The following MYO9A variants were observed in gnomAD, a reference collection of about 807,000 sequenced individuals.
The protein encoded by MYO9A is myosin IXA, also known as unconventional myosin-IXa.
A neutral mutation model predicts 293.3 loss-of-function variants in MYO9A; 103 were observed. The ratio of observed to expected loss-of-function variants is 0.35; its 90% CI spans 0.30 to 0.41. The LOEUF is 0.41. MYO9A is among the 10% of genes least tolerant of loss of function. MYO9A has a pLI of 1.00. For missense variants in MYO9A, 2,685 were observed against 3,033.0 expected (o/e 0.89, Z 2.69); for synonymous variants, 1,001 against 1,035.7 (o/e 0.97, Z 0.64).
In MYO9A at chr15:71,827,758, C is replaced by T. The variant is rs2054566494; in HGVS notation, c.7183+126G>A. 1.2e-5 allele frequency: 13 copies of T among 1,103,034 alleles called. No homozygotes were observed. The South Asian group carries it at 1.9e-4, about 16-fold the overall frequency. 68.3% of individuals were successfully genotyped at this position (1,103,034 alleles called of 1,614,324 possible). On this transcript the variant is annotated intron_variant, in intron 41 of 41. Transcript: ENST00000356056. ...ATTATATGGATAAAAGGACAAAATT[C>T]CTCAAGACTTTGTTATTGCTGATGT...
intron 1 of MYO9A, among the ~76,000 whole-genome samples, chr15:72,078,436 G>T (rs1196621124): frequency 6.6e-6 from 1 of 152,126 alleles, no homozygotes; most frequent in African/African-American, 2.4e-5. Context: ...AGGCTAGAGT[G>T]AGCCCAGATC....
chr15:71,897,737 C>T lies in MYO9A; in HGVS notation c.4766G>A (p.Ser1589Asn). 1.9e-6 allele frequency: 3 copies of T among 1,614,054 alleles called. No homozygotes were observed. Among genetic ancestry groups the T allele is most frequent in the Non-Finnish European group, 2.5e-6 (3 of 1,180,016 alleles). Reference sequence around the variant, plus strand: ...CTTTGGGGGTAAGTGAGCAGAGGAACTGTCTTTTTGGGCAAGAGCTGCATC... The same window carrying T: ...CTTTGGGGGTAAGTGAGCAGAGGAATTGTCTTTTTGGGCAAGAGCTGCATC... ...LKDAALAQKD[S>N]SSAHLPPKDR... Residue 1589 changes from serine to asparagine, a missense_variant, in exon 25 of 42, where the codon AGT (serine) becomes AAT (asparagine). Ser to Asn is a conservative substitution (Grantham distance 46). Transcript: ENST00000356056.
At position 71,826,188 on chromosome 15, in the gene MYO9A, A is replaced by T; in HGVS notation, c.*392T>A. 1.2e-5 allele frequency: 2 copies of T among 164,558 alleles called. No individual in the cohort carries two copies. The highest frequency in any genetic ancestry group is 2.6e-5 in the Non-Finnish European group (2 of 76,678). The allele number at this position is 164,558 out of a possible 1,614,324, so 10.2% of individuals were successfully genotyped here. On this transcript the variant is annotated 3_prime_UTR_variant, in exon 42 of 42. Transcript: ENST00000356056. ...AAGGCTTTTGCTTTCACGGTTAAGA[A>T]AGATTTATACGTTTTCTTCAAATGT... is the stretch of plus-strand genomic sequence containing the variant.
chr15:72,101,133 G>A (rs1486924095), intron 1 of MYO9A, among the ~76,000 whole-genome samples: 48 of 138,746 alleles, frequency 3.5e-4, no homozygotes, highest in Non-Finnish European at 6.3e-5. Context: ...TCAGCCTCCC[G>A]CCCGGCCAGC....
intron 39 of MYO9A, among the ~76,000 whole-genome samples, chr15:71,833,955 C>CT (rs2054834557): frequency 6.6e-6 from 1 of 151,914 alleles, no homozygotes; most frequent in South Asian, 2.1e-4. Flanking sequence ...ATGTAAGACT[C>CT]TATTTCAGGA....
intron 31 of MYO9A, among the ~76,000 whole-genome samples, chr15:71,877,678 G>A (rs953129473): frequency 2.0e-5 from 3 of 151,968 alleles, no homozygotes; most frequent in Admixed American, 1.3e-4. Flanking sequence ...GGCTGGTCTC[G>A]AACTCCTGAT....
At chr15:71,940,861 C>T (rs2058755314) in intron 15 of MYO9A, among the ~76,000 whole-genome samples, 1 of 152,066 alleles carries the variant, frequency 6.6e-6, no homozygotes, top group Non-Finnish European at 1.5e-5. Context: ...TTCAAGGCTA[C>T]AGTGAGTTAT....
chr15:71,935,096 T>C, intron 17 of MYO9A: 1 of 369,392 alleles, frequency 2.7e-6, no homozygotes, highest in Non-Finnish European at 4.9e-6. Flanking sequence ...CCATAACAAA[T>C]ATACTCAGTC....
At chr15:71,917,516 C>T (rs980479505) in intron 18 of MYO9A, among the ~76,000 whole-genome samples, 1 of 152,140 alleles carries the variant, frequency 6.6e-6, no homozygotes, top group South Asian at 2.1e-4. Context: ...GCCCGGGCAA[C>T]AGTGAGAGAC....
At chr15:71,897,281 G>T in intron 25 of MYO9A, 180 bp downstream of exon 25, 1 of 658,026 alleles carries the variant, frequency 1.5e-6, no homozygotes, top group South Asian at 2.2e-5. Context: ...AGGATTCCTA[G>T]GATATAACTA....
At chr15:71,926,682 G>A (rs2058321549) in intron 18 of MYO9A, among the ~76,000 whole-genome samples, 1 of 152,200 alleles carries the variant, frequency 6.6e-6, no homozygotes, top group African/African-American at 2.4e-5. Flanking sequence ...ACTCCAGCCT[G>A]GGTGACAGTG....
chr15:71,869,299 T>G (rs762864090), intron 32 of MYO9A, among the ~76,000 whole-genome samples: 9 of 152,190 alleles, frequency 5.9e-5, no homozygotes, highest in Non-Finnish European at 1.0e-4. Flanking sequence ...ATATATCTCC[T>G]GATACCACAC....
Position 71,900,064 on chromosome 15 carries a change from AGG to A in MYO9A, c.3151-60_3151-59del. ...GTCATATCTTACACTGCATTTTCAC[AGG>A]AAAAAAAGAGAATAAATTTCTTATG... On this transcript the variant is annotated intron_variant, in intron 23 of 41. Transcript: ENST00000356056. 2.8e-6 allele frequency: 4 copies of A among 1,431,352 alleles called. No individual in the cohort carries two copies. In the Admixed American group the frequency reaches 6.9e-5, roughly 25 times the overall value. 88.7% of individuals were successfully genotyped at this position (1,431,352 alleles called of 1,614,324 possible).
intron 2 of MYO9A, among the ~76,000 whole-genome samples, chr15:72,039,077 G>A (rs1473410097): frequency 6.6e-6 from 1 of 152,044 alleles, no homozygotes; most frequent in African/African-American, 2.4e-5. Context: ...GCCAAAGATA[G>A]AGACTTTTAG....
chr15:71,869,684 A>G (rs2056447570), intron 32 of MYO9A, among the ~76,000 whole-genome samples: 1 of 152,168 alleles, frequency 6.6e-6, no homozygotes, highest in African/African-American at 2.4e-5. Context: ...AGGGAATGGA[A>G]GGAAGGCAAA....
At chr15:71,940,144 C>T (rs1009426645) in intron 15 of MYO9A, among the ~76,000 whole-genome samples, 1 of 152,172 alleles carries the variant, frequency 6.6e-6, no homozygotes, top group Non-Finnish European at 1.5e-5. Flanking sequence ...TGATTGTTAT[C>T]TTTCTGTATG....
At chr15:71,868,380 C>T (rs2056406429) in intron 32 of MYO9A, among the ~76,000 whole-genome samples, 1 of 152,212 alleles carries the variant, frequency 6.6e-6, no homozygotes, top group African/African-American at 2.4e-5. Context: ...TCTCCTGCAT[C>T]ATCTTCTACC....
At chr15:71,846,257 A>C (rs2055381833) in intron 39 of MYO9A, among the ~76,000 whole-genome samples, 1 of 152,208 alleles carries the variant, frequency 6.6e-6, no homozygotes, top group Admixed American at 6.5e-5. Context: ...CCGGAATAGC[A>C]GTGTTGAACA....
chr15:71,851,264 A>G lies in MYO9A; in HGVS notation c.6570T>C (p.Phe2190=). The G allele has an allele frequency of 1.2e-6, 2 of 1,613,372 alleles. No homozygotes were observed. Among genetic ancestry groups the G allele is most frequent in the Non-Finnish European group, 1.7e-6 (2 of 1,179,506 alleles). Reference sequence around the variant, plus strand: ...CTTCTTAAAGTTACCTGACTAGATGAAAGATGAGGCGTTCCAGTGTATTGA... The same window carrying G: ...CTTCTTAAAGTTACCTGACTAGATGGAAGATGAGGCGTTCCAGTGTATTGA... ...THLNTLERLI[F]HLVRIALQED... Residue 2190 remains phenylalanine, a synonymous_variant, in exon 37 of 42, where the codon TTT becomes TTC. Coordinates refer to ENST00000356056, the MANE Select transcript of MYO9A (RefSeq NM_006901.4).
Sources: gnomAD v4.1 joint callset for allele counts (sites outside exome capture counted in the v4.1 genomes callset) on GRCh38, gnomAD v4.1.1 for gene constraint, MANE v1.5 for transcripts, NCBI Gene and HGNC (gene_info 2026-07-23, HGNC 2026-07-21) for gene names.